The following COL20A1 variants were observed in gnomAD, a reference collection of about 807,000 sequenced individuals.
COL20A1 encodes the protein collagen alpha-1(XX) chain.
Under a neutral mutation model 152.9 loss-of-function variants are expected in COL20A1, and 164 were observed. The ratio of observed to expected loss-of-function variants is 1.07; its 90% CI spans 0.94 to 1.22. COL20A1 has a LOEUF of 1.22. Ranked by LOEUF, COL20A1 falls within the 50% of genes most tolerant of loss-of-function variation. COL20A1 has a pLI of 0.00. For synonymous variants in COL20A1, 864 were observed against 756.0 expected (o/e 1.14, Z -2.34); for missense variants, 1,873 against 1,744.8 (o/e 1.07, Z -1.31).
chr20:63,305,591 A>G lies in COL20A1; in HGVS notation c.337+31A>G, dbSNP rs867521768. 8 of 1,560,424 alleles carry G rather than the reference A, an allele frequency of 5.1e-6. No individual in the cohort carries two copies. In the Admixed American group the frequency reaches 5.7e-5, roughly 11 times the overall value. ...TCCACCGTCTGCCAGCTGGGTACCC[A>G]CTCCTCCAGGCCGGGTCCCACCCTC... On this transcript the variant is annotated intron_variant, in intron 4 of 35. Transcript: ENST00000358894. This position sits in a 1 kb window ranked among gnomAD's most constrained non-coding sequence, Gnocchi z 4.9.
In COL20A1 at chr20:63,319,218, T is replaced by C; in HGVS notation, c.2806+18T>C. 6.2e-7 allele frequency: 1 copy of C among 1,608,346 alleles called. No homozygotes were observed. The highest frequency in any genetic ancestry group is 8.5e-7 in the Non-Finnish European group (1 of 1,177,828). On this transcript the variant is annotated intron_variant, in intron 22 of 35. Coordinates refer to ENST00000358894, the MANE Select transcript of COL20A1 (RefSeq NM_020882.4). The surrounding 1 kb of genome is among the most constrained non-coding windows in gnomAD (Gnocchi z 4.4). Reference sequence around the variant, plus strand: ...GCTGGATGGTGACGTGGGCCCCGCGTCGCCCCCAGCAGTCAGGAGGAGTAG... The same window carrying C: ...GCTGGATGGTGACGTGGGCCCCGCGCCGCCCCCAGCAGTCAGGAGGAGTAG...
Position 63,312,772 on chromosome 20 carries a change from T to G in COL20A1, c.1934-20T>G. The G allele has an allele frequency of 6.5e-7, 1 of 1,531,978 alleles. No homozygotes were observed. Among genetic ancestry groups the G allele is most frequent in the South Asian group, 1.2e-5 (1 of 81,984 alleles). 94.9% of individuals were successfully genotyped at this position (1,531,978 alleles called of 1,614,324 possible). A position where few individuals can be genotyped will look rare whatever the true frequency, so the allele number is the denominator to read the frequency against. ...AGGCTCAGGGGCTACACCCCCAGCC[T>G]GTGTCTCCACTTCCTTCAGAGAAAG... On this transcript the variant is annotated intron_variant, in intron 15 of 35. Transcript: ENST00000358894.
Position 63,310,494 on chromosome 20 carries a change from G to A in COL20A1, c.1377G>A (p.Arg459=), listed in dbSNP as rs952575109. The change falls in exon 11 of 36, where the codon CGG becomes CGA. Residue 459 remains arginine, a synonymous_variant. Coordinates refer to ENST00000358894, the MANE Select transcript of COL20A1 (RefSeq NM_020882.4). ...IYEGGVGEGL[R]GLVTTAPLPP... Reference sequence around the variant, plus strand: ...AGGGCGGGGTTGGCGAAGGCCTGCGGGGCCTGGTGACCACAGGTAGGTGGG... The same window carrying A: ...AGGGCGGGGTTGGCGAAGGCCTGCGAGGCCTGGTGACCACAGGTAGGTGGG... The A allele has an allele frequency of 1.2e-5, 19 of 1,601,064 alleles. No homozygotes were observed. Among genetic ancestry groups the A allele is most frequent in the Non-Finnish European group, 1.5e-5 (18 of 1,174,778 alleles).
At chr20:63,299,229 C>T (rs1015469510) in intron 3 of COL20A1, among the ~76,000 whole-genome samples, 4 of 152,144 alleles carry the variant, frequency 2.6e-5, no homozygotes, top group South Asian at 2.1e-4. Flanking sequence ...GGTGTCCGTG[C>T]GCCTGTTCTG....
rs1411449147 is a variant in COL20A1, at chr20:63,310,392, G to A, written c.1275G>A (p.Glu425=). ...CCACTCTGTTCCAGGTGGTGGTGGA[G>A]GGACCCGCCGCCTCCACGGAGCTGC... The part of the protein sequence containing the change: ...RGGTPREVVV[E]GPAASTELHN... Residue 425 remains glutamate, a synonymous_variant, in exon 11 of 36, where the codon GAG becomes GAA. Coordinates refer to ENST00000358894, the MANE Select transcript of COL20A1 (RefSeq NM_020882.4). The A allele has an allele frequency of 6.2e-7, 1 of 1,611,078 alleles. No individual in the cohort carries two copies. The highest frequency in any genetic ancestry group is 8.5e-7 in the Non-Finnish European group (1 of 1,179,286).
At position 63,333,909 on chromosome 20, in the gene COL20A1, A is replaced by G. The variant is rs1393321528; in HGVS notation, c.*3193A>G. On this transcript the variant is annotated 3_prime_UTR_variant, in exon 36 of 36. Transcript: ENST00000358894. ...GGGCAGTGGGGACGGGAGAGCTGGG[A>G]CACGTGGACTCACACCAGGGCAGAT... 1 of 152,272 alleles carries G rather than the reference A, an allele frequency of 6.6e-6. No homozygotes were observed. The highest frequency in any genetic ancestry group is 6.5e-5 in the Admixed American group (1 of 15,288). The allele number at this position is 152,272 out of a possible 1,614,324, so 9.4% of individuals were successfully genotyped here.
rs6011743 is a variant in COL20A1, at chr20:63,331,026, G to A, written c.*310G>A. Reference sequence around the variant, plus strand: ...AGGCCCTGCAGCTTCAGCCGCAGTGGGGAAGGGGAGGGGCTGGGCTGATGG... The same window carrying A: ...AGGCCCTGCAGCTTCAGCCGCAGTGAGGAAGGGGAGGGGCTGGGCTGATGG... On this transcript the variant is annotated 3_prime_UTR_variant, in exon 36 of 36. Coordinates refer to ENST00000358894, the MANE Select transcript of COL20A1 (RefSeq NM_020882.4). 6,168 of 152,578 alleles carry A rather than the reference G, an allele frequency of 0.04. 437 individuals carry two copies. The highest frequency in any genetic ancestry group is 0.14 in the African/African-American group (5,796 of 41,556). 9.5% of individuals were successfully genotyped at this position (152,578 alleles called of 1,614,324 possible). A position where few individuals can be genotyped will look rare whatever the true frequency, so the allele number is the denominator to read the frequency against.
chr20:63,314,338 G>A (rs1209999359), intron 19 of COL20A1, 137 bp downstream of exon 19: 4 of 719,920 alleles, frequency 5.6e-6, no homozygotes, highest in South Asian at 3.7e-5. Flanking sequence ...GGGGTCACAG[G>A]CAGGCAGGGG....
At chr20:63,307,944 G>T (rs2067948970) in intron 6 of COL20A1, 27 bp from the exon 7 acceptor site, 1 of 1,610,080 alleles carries the variant, frequency 6.2e-7, no homozygotes. Flanking sequence ...TGGAAACTCA[G>T]CCCGTGGCCA....
chr20:63,322,134 A>T, intron 27 of COL20A1, 23 bp downstream of exon 27: 1 of 1,491,340 alleles, frequency 6.7e-7, no homozygotes, highest in Non-Finnish European at 8.9e-7. Flanking sequence ...GAGCCCTGGG[A>T]GGTGAGGGGC....
Position 63,329,567 on chromosome 20 carries a change from C to A in COL20A1, c.3782-18C>A. 1.9e-6 allele frequency: 3 copies of A among 1,604,216 alleles called. No individual in the cohort carries two copies. The highest frequency in any genetic ancestry group is 2.6e-6 in the Non-Finnish European group (3 of 1,175,674). ...CACTGCATTGCTCCGTCCTCACATG[C>A]CCTCCCTTTCCTCGCAGGGGAGCCT... is the stretch of plus-strand genomic sequence containing the variant. On this transcript the variant is annotated intron_variant, in intron 34 of 35. Transcript: ENST00000358894.
chr20:63,323,585 C>G (rs1275042397), intron 27 of COL20A1, among the ~76,000 whole-genome samples: 3 of 152,198 alleles, frequency 2.0e-5, no homozygotes, highest in African/African-American at 7.2e-5. Context: ...CAGACCACCC[C>G]TGGTCGCCTG....
chr20:63,329,362 C>T, intron 34 of COL20A1: 1 of 581,162 alleles, frequency 1.7e-6, no homozygotes, highest in Non-Finnish European at 3.1e-6. Flanking sequence ...CTGACGCCTT[C>T]CCACCTGGCC....
Position 63,305,533 on chromosome 20 carries a change from T to A in COL20A1, c.310T>A (p.Phe104Ile). Residue 104 changes from phenylalanine (F) to isoleucine (I), a missense_variant, in exon 4 of 36, where the codon TTC (phenylalanine) becomes ATC (isoleucine). By Grantham distance (21) the Phe-to-Ile change is conservative. Coordinates refer to ENST00000358894, the MANE Select transcript of COL20A1 (RefSeq NM_020882.4). This position sits in a 1 kb window ranked among gnomAD's most constrained non-coding sequence, Gnocchi z 4.9. ...QIFELTGSGR[F>I]LLARREFVIE... ...CTTCGAGCTCACTGGCTCTGGGCGC[T>A]TCCTGCTAGCTCGGAGGGAGTTTGT... 6.2e-7 allele frequency: 1 copy of A among 1,604,648 alleles called. No individual in the cohort carries two copies. Among genetic ancestry groups the A allele is most frequent in the Non-Finnish European group, 8.5e-7 (1 of 1,176,432 alleles).
intron 19 of COL20A1, among the ~76,000 whole-genome samples, chr20:63,314,764 C>T (rs544577814): frequency 1.8e-4 from 28 of 152,126 alleles, no homozygotes; most frequent in African/African-American, 6.3e-4. Context: ...CCCCAGGACA[C>T]GCATGCCCCC....
In COL20A1 at chr20:63,328,062, A is replaced by G. The variant is rs746302944; in HGVS notation, c.3565-17A>G. On this transcript the variant is annotated splice_polypyrimidine_tract_variant and intron_variant, in intron 32 of 35. Transcript: ENST00000358894. ...CCTGCCACACGGGTCCCAAAGCTGC[A>G]CCACCTTCCCTTCCAGGGCGAGCCG... 15 of 1,613,104 alleles carry G rather than the reference A, an allele frequency of 9.3e-6. No homozygotes were observed. The Admixed American group carries it at 2.5e-4, about 27-fold the overall frequency.
Position 63,334,774 on chromosome 20 carries a change from G to C in COL20A1, c.*4058G>C, listed in dbSNP as rs1039726330. On this transcript the variant is annotated 3_prime_UTR_variant, in exon 36 of 36. Transcript: ENST00000358894. ...CCAACTCAAACAATTTTAAATAGTAGAAAATAAACCCTGAAGCAGTGTGCA... is the reference window on the plus strand; with the variant it reads ...CCAACTCAAACAATTTTAAATAGTACAAAATAAACCCTGAAGCAGTGTGCA... The C allele has an allele frequency of 6.6e-6, 1 of 152,198 alleles. No homozygotes were observed. The highest frequency in any genetic ancestry group is 2.4e-5 in the African/African-American group (1 of 41,440). 9.4% of individuals were successfully genotyped at this position (152,198 alleles called of 1,614,324 possible).
chr20:63,296,220 G>GAC (rs1275323943), intron 2 of COL20A1, among the ~76,000 whole-genome samples: 1 of 152,282 alleles, frequency 6.6e-6, no homozygotes, highest in East Asian at 1.9e-4. Flanking sequence ...CCTCAGCTCA[G>GAC]ACAGGGTAAC....
intron 3 of COL20A1, among the ~76,000 whole-genome samples, chr20:63,301,950 G>A (rs992749648): frequency 1.3e-5 from 2 of 151,926 alleles, no homozygotes; most frequent in Non-Finnish European, 2.9e-5. Context: ...TATTACACTT[G>A]TTATAAGTTT....
Sources: allele counts gnomAD v4.1 joint callset (sites outside exome capture counted in the v4.1 genomes callset), GRCh38; gene constraint gnomAD v4.1.1; non-coding constraint Gnocchi (gnomAD v3.1); transcripts MANE v1.5; gene names NCBI Gene and HGNC (gene_info 2026-07-23, HGNC 2026-07-21).